The following NAALADL2 variants were observed in gnomAD, a reference collection of about 807,000 sequenced individuals.
NAALADL2 encodes inactive N-acetylated-alpha-linked acidic dipeptidase-like protein 2.
Under a neutral mutation model 87.2 loss-of-function variants are expected in NAALADL2, and 76 were observed. The ratio of observed to expected loss-of-function variants is 0.87; its 90% CI spans 0.72 to 1.05. The LOEUF (loss-of-function observed/expected upper bound fraction) is 1.05. NAALADL2 is among the 50% of genes least tolerant of loss of function. NAALADL2 has a pLI of 0.00. For missense variants in NAALADL2, 1,089 were observed against 945.8 expected (o/e 1.15, Z -1.99); for synonymous variants, 354 against 331.0 (o/e 1.07, Z -0.75).
chr3:174,848,516 TA>T (rs1189439534), intron 3 of NAALADL2, among the ~76,000 whole-genome samples: 4 of 152,170 alleles, frequency 2.6e-5, no homozygotes, highest in African/African-American at 9.7e-5. Flanking sequence ...ATAAGTTTCT[TA>T]AAAATGTGCT....
intron 5 of NAALADL2, among the ~76,000 whole-genome samples, chr3:175,407,145 CT>C (rs1227672357): frequency 6.6e-6 from 1 of 152,140 alleles, no homozygotes; most frequent in Non-Finnish European, 1.5e-5. Context: ...GATCACACCA[CT>C]GCACTCCAAC....
chr3:175,503,317 T>C (rs1015136510), intron 9 of NAALADL2, among the ~76,000 whole-genome samples: 1 of 152,160 alleles, frequency 6.6e-6, no homozygotes, highest in Non-Finnish European at 1.5e-5. Flanking sequence ...CTTTTCTTTA[T>C]CCAGTCTACC....
At chr3:174,936,527 G>A (rs192569359) in intron 1 of NAALADL2, among the ~76,000 whole-genome samples, 9 of 152,078 alleles carry the variant, frequency 5.9e-5, no homozygotes, top group Admixed American at 2.0e-4. Flanking sequence ...ACTAAAGGTC[G>A]CTTGATAAAA....
intron 11 of NAALADL2, among the ~76,000 whole-genome samples, chr3:175,715,124 G>T (rs528626197): frequency 6.6e-6 from 1 of 152,004 alleles, no homozygotes; most frequent in African/African-American, 2.4e-5. Context: ...CCTTTCTTTA[G>T]TGTTACTCTT....
chr3:175,287,061 A>C (rs986751355), intron 4 of NAALADL2, among the ~76,000 whole-genome samples: 4 of 152,136 alleles, frequency 2.6e-5, no homozygotes, highest in African/African-American at 9.7e-5. Context: ...GTGAGATTGC[A>C]CTACAGCCTG....
At chr3:174,828,880 C>G (rs1722295273) in intron 3 of NAALADL2, among the ~76,000 whole-genome samples, 1 of 152,110 alleles carries the variant, frequency 6.6e-6, no homozygotes, top group Admixed American at 6.5e-5. Flanking sequence ...GAACAAAATG[C>G]TCTACATTGA....
intron 2 of NAALADL2, among the ~76,000 whole-genome samples, chr3:174,733,849 A>C (rs1382040562): frequency 6.6e-6 from 1 of 152,184 alleles, no homozygotes; most frequent in African/African-American, 2.4e-5. Flanking sequence ...GGTTAAGAGC[A>C]ATCATGATGA....
chr3:175,616,934 G>A (rs773196179), intron 10 of NAALADL2, among the ~76,000 whole-genome samples: 1 of 152,080 alleles, frequency 6.6e-6, no homozygotes, highest in Admixed American at 6.5e-5. Flanking sequence ...TTGCGGTTCA[G>A]CGAATTTTCC....
At chr3:175,185,400 G>T (rs565032627) in intron 2 of NAALADL2, among the ~76,000 whole-genome samples, 1 of 152,008 alleles carries the variant, frequency 6.6e-6, no homozygotes, top group Admixed American at 6.6e-5. Context: ...TAGGTAAGTG[G>T]TAGTATATCC....
chr3:174,984,552 A>G (rs1745570404), intron 1 of NAALADL2, among the ~76,000 whole-genome samples: 1 of 152,206 alleles, frequency 6.6e-6, no homozygotes, highest in African/African-American at 2.4e-5. Context: ...GACAGGACCT[A>G]GGAATCTGTT....
intron 2 of NAALADL2, among the ~76,000 whole-genome samples, chr3:175,181,354 T>C (rs1736435721): frequency 6.6e-6 from 1 of 151,984 alleles, no homozygotes; most frequent in Non-Finnish European, 1.5e-5. Context: ...TGGATACATG[T>C]AGACAGTGTA....
chr3:175,331,098 A>G (rs1482612281), intron 5 of NAALADL2, among the ~76,000 whole-genome samples: 1 of 152,176 alleles, frequency 6.6e-6, no homozygotes. Flanking sequence ...TGAATCAGGA[A>G]GAAATAGAAA....
chr3:175,516,320 C>T (rs1018886789), intron 9 of NAALADL2, among the ~76,000 whole-genome samples: 1 of 152,132 alleles, frequency 6.6e-6, no homozygotes, highest in Admixed American at 6.5e-5. Context: ...AGACTTTTAC[C>T]TTGCTTACAT....
At chr3:175,668,230 T>C (rs562374373) in intron 11 of NAALADL2, among the ~76,000 whole-genome samples, 1 of 152,314 alleles carries the variant, frequency 6.6e-6, no homozygotes, top group Admixed American at 6.5e-5. Context: ...TTGTAGCTGC[T>C]AGAGTTACTA....
intron 1 of NAALADL2, among the ~76,000 whole-genome samples, chr3:175,051,318 A>T (rs1580197584): frequency 2.6e-5 from 4 of 152,308 alleles, no homozygotes; most frequent in Admixed American, 2.6e-4. Flanking sequence ...GTCAGTTTCC[A>T]TGGGTCAGGA....
intron 13 of NAALADL2, among the ~76,000 whole-genome samples, chr3:175,800,860 T>C (rs1202256666): frequency 6.6e-6 from 1 of 152,062 alleles, no homozygotes; most frequent in African/African-American, 2.4e-5. Context: ...TTCTTGAAAA[T>C]AGGGATTAGG....
chr3:175,090,005 A>G (rs955396169), intron 1 of NAALADL2, among the ~76,000 whole-genome samples: 4 of 152,104 alleles, frequency 2.6e-5, no homozygotes, highest in African/African-American at 9.7e-5. Context: ...TATCTCATGT[A>G]TGTGTGTTTC....
At chr3:174,528,382 CA>C (rs1412148915) in intron 1 of NAALADL2, among the ~76,000 whole-genome samples, 15 of 152,130 alleles carry the variant, frequency 9.9e-5, no homozygotes, top group African/African-American at 3.6e-4. Context: ...GTAAGCCCAG[CA>C]CTTTGAGAGG....
At chr3:175,463,937 C>T (rs985388193) in intron 7 of NAALADL2, among the ~76,000 whole-genome samples, 7 of 152,180 alleles carry the variant, frequency 4.6e-5, no homozygotes. Flanking sequence ...TCAAGCAATT[C>T]TTGTACCTCA....
Sources: gnomAD v4.1 joint callset for allele counts (sites outside exome capture counted in the v4.1 genomes callset) on GRCh38, gnomAD v4.1.1 for gene constraint, MANE v1.5 for transcripts, NCBI Gene and HGNC (gene_info 2026-07-23, HGNC 2026-07-21) for gene names.